Variants in RSU1 observed in about 807,000 individuals in gnomAD.
RSU1 encodes Ras suppressor protein 1, also known as rsu-1.
In RSU1, 26 loss-of-function variants were observed where a neutral mutation model predicts 31.1. That is an observed-to-expected ratio of 0.84 (90% CI 0.61 to 1.16). RSU1 has a LOEUF of 1.16. Ranked by LOEUF, RSU1 falls within the 50% of genes most tolerant of loss-of-function variation. The pLI, the probability that RSU1 is intolerant of heterozygous loss-of-function variation, is 0.00. For missense variants in RSU1, 320 were observed against 339.1 expected, an observed-to-expected ratio of 0.94 and a Z score of 0.44; for synonymous variants, 164 against 136.3, an observed-to-expected ratio of 1.20 and a Z score of -1.41.
At chr10:16,695,177 G>A in intron 7 of RSU1, 22 bp from the exon 8 acceptor site, 2 of 1,229,382 alleles carry the variant, frequency 1.6e-6, no homozygotes, top group African/African-American at 1.6e-5. Context: ...GAAAAAAAAA[G>A]TGAAGGTCAC....
intron 7 of RSU1, among the ~76,000 whole-genome samples, chr10:16,718,770 T>C (rs4748313): frequency 0.62 from 93,657 of 151,866 alleles, 30,022 homozygotes; most frequent in East Asian, 0.85. Flanking sequence ...CACCTGAGGT[T>C]AGTAGATCAA....
chr10:16,594,709 T>C (rs887392104), intron 8 of RSU1, among the ~76,000 whole-genome samples: 1 of 147,450 alleles, frequency 6.8e-6, no homozygotes, highest in African/African-American at 2.5e-5. Flanking sequence ...TCATAGATAA[T>C]ATATGATACA....
At chr10:16,693,427 C>A (rs1256435792) in intron 8 of RSU1, among the ~76,000 whole-genome samples, 2 of 151,796 alleles carry the variant, frequency 1.3e-5, no homozygotes, top group Admixed American at 1.3e-4. Flanking sequence ...ACCCACTGGC[C>A]TGGCACAGAT....
At chr10:16,787,662 A>T (rs944563308) in intron 2 of RSU1, among the ~76,000 whole-genome samples, 1 of 152,174 alleles carries the variant, frequency 6.6e-6, no homozygotes, top group Admixed American at 6.5e-5. Context: ...TGTGATGGTT[A>T]TATAAATGGG....
Position 16,629,035 on chromosome 10 carries a change from A to G in RSU1, c.732-35539T>C, listed in dbSNP as rs371198756. On this transcript the variant is annotated intron_variant, in intron 8 of 8. Transcript: ENST00000345264. The stretch of plus-strand genomic sequence containing the variant: ...CAAATGCATCACTCTTGGCCACAGC[A>G]CTATCAACACCGCTGCCATGGAGTG... Among the ~76,000 whole-genome samples the G allele has an allele frequency of 1.7e-4, 26 of 152,250 alleles. No homozygotes were observed. The East Asian group carries it at 4.6e-3, about 27-fold the overall frequency.
chr10:16,810,780 G>A (rs183302601), intron 2 of RSU1, among the ~76,000 whole-genome samples: 16 of 152,146 alleles, frequency 1.1e-4, no homozygotes, highest in Admixed American at 7.9e-4. Flanking sequence ...TGAACCACCC[G>A]GGAGGCTGGG....
chr10:16,602,794 T>C (rs1348353675), intron 8 of RSU1, among the ~76,000 whole-genome samples: 1 of 152,080 alleles, frequency 6.6e-6, no homozygotes, highest in Admixed American at 6.6e-5. Context: ...TGGAGAAAAA[T>C]AATTTTGCTT....
chr10:16,723,099 G>A (rs1392131657), intron 7 of RSU1: 2 of 150,904 alleles, frequency 1.3e-5, no homozygotes, highest in African/African-American at 2.4e-5. Context: ...TATATCATAC[G>A]ATTTGCTGTA....
intron 8 of RSU1, among the ~76,000 whole-genome samples, chr10:16,671,746 C>T (rs1835109196): frequency 6.6e-6 from 1 of 151,984 alleles, no homozygotes. Flanking sequence ...CTGCCTCAGC[C>T]TCCCAAGCAG....
At chr10:16,798,462 C>T (rs551008340) in intron 2 of RSU1, among the ~76,000 whole-genome samples, 40 of 152,164 alleles carry the variant, frequency 2.6e-4, no homozygotes, top group African/African-American at 8.4e-4. Flanking sequence ...ACTGTTCCCC[C>T]GATAGTGAGT....
At chr10:16,805,649 A>C (rs1838251259) in intron 2 of RSU1, among the ~76,000 whole-genome samples, 1 of 148,372 alleles carries the variant, frequency 6.7e-6, no homozygotes, top group South Asian at 2.2e-4. Context: ...GCACTCCGAC[A>C]GAGCGAGACT....
intron 8 of RSU1, among the ~76,000 whole-genome samples, chr10:16,613,436 A>C (rs374991840): frequency 2.0e-5 from 3 of 152,348 alleles, no homozygotes; most frequent in East Asian, 1.9e-4. Context: ...GTTCAGAAAC[A>C]CTAGTGGACT....
At chr10:16,810,954 C>T (rs930128753) in intron 2 of RSU1, among the ~76,000 whole-genome samples, 3 of 151,902 alleles carry the variant, frequency 2.0e-5, no homozygotes, top group Admixed American at 6.6e-5. Flanking sequence ...CCCAGGAAGC[C>T]GAGGCTACAG....
intron 7 of RSU1, among the ~76,000 whole-genome samples, chr10:16,707,444 G>C (rs1320942228): frequency 6.6e-6 from 1 of 151,980 alleles, no homozygotes; most frequent in African/African-American, 2.4e-5. Context: ...GTATTTTATC[G>C]TGGTTCTGAT....
intron 8 of RSU1, among the ~76,000 whole-genome samples, chr10:16,646,181 C>T (rs781121282): frequency 9.9e-5 from 15 of 151,572 alleles, no homozygotes; most frequent in Non-Finnish European, 2.1e-4. Flanking sequence ...GGGCACAGCT[C>T]TCATTCTGGT....
chr10:16,603,453 C>CA (rs1833746712), intron 8 of RSU1, among the ~76,000 whole-genome samples: 1 of 152,132 alleles, frequency 6.6e-6, no homozygotes, highest in Non-Finnish European at 1.5e-5. Flanking sequence ...GGAGCAGATG[C>CA]AAGGATATTA....
chr10:16,636,714 C>G (rs890781836), intron 8 of RSU1, among the ~76,000 whole-genome samples: 13 of 152,210 alleles, frequency 8.5e-5, no homozygotes, highest in African/African-American at 2.9e-4. Context: ...CTGTGTGAAG[C>G]TGCTTATCCC....
At chr10:16,651,881 G>A (rs1834689839) in intron 8 of RSU1, among the ~76,000 whole-genome samples, 1 of 152,072 alleles carries the variant, frequency 6.6e-6, no homozygotes, top group African/African-American at 2.4e-5. Flanking sequence ...TTTGCCAAGA[G>A]GAAAACAAAA....
rs1357979828 is a variant in RSU1, at chr10:16,698,253, T to TCCCTTCCGCCGAGTCCCAAGCC, written c.599-3120_599-3099dup. Among the ~76,000 whole-genome samples, 7 of 152,000 alleles carry TCCCTTCCGCCGAGTCCCAAGCC rather than the reference T, an allele frequency of 4.6e-5. No homozygotes were observed. In the East Asian group the frequency reaches 1.4e-3, roughly 29 times the overall value. ...CTCTTTTCTAGCCTGCATCACAAGC[T>TCCCTTCCGCCGAGTCCCAAGCC]CCCTTCCGCCGAGTCCCAAGCCTTG... On this transcript the variant is annotated intron_variant, in intron 7 of 8. Coordinates refer to ENST00000345264, the MANE Select transcript of RSU1 (RefSeq NM_012425.4).
Sources: gnomAD v4.1 joint callset for allele counts (sites outside exome capture counted in the v4.1 genomes callset) on GRCh38, gnomAD v4.1.1 for gene constraint, MANE v1.5 for transcripts, NCBI Gene and HGNC (gene_info 2026-07-23, HGNC 2026-07-21) for gene names.